Variants in TMEM163 observed in about 807,000 individuals in gnomAD.
TMEM163 encodes the protein transmembrane protein 163.
TMEM163 carries 17 observed loss-of-function variants against 29.3 expected under a neutral mutation model. The observed-to-expected ratio is 0.58, with a 90% CI of 0.40 to 0.87. TMEM163 has a LOEUF of 0.87. Ranked by LOEUF, TMEM163 falls within the 40% of genes least tolerant of loss-of-function variation. The pLI is 0.00. For synonymous variants in TMEM163, 157 were observed against 160.6 expected, an observed-to-expected ratio of 0.98 and a Z score of 0.17; for missense variants, 303 against 381.5, an observed-to-expected ratio of 0.79 and a Z score of 1.71.
Position 134,476,772 on chromosome 2 carries a change from A to T in TMEM163, c.556-10547T>A, listed in dbSNP as rs111996555. Among the ~76,000 whole-genome samples the T allele has an allele frequency of 2.2e-4, 34 of 152,264 alleles. 3 individuals carry two copies. The highest frequency in any genetic ancestry group is 8.2e-4 in the African/African-American group (34 of 41,546). On this transcript the variant is annotated intron_variant, in intron 5 of 7. Transcript: ENST00000281924. The stretch of plus-strand genomic sequence containing the variant: ...TGGGTAAACACTCCTTTTTCTAGAC[A>T]TCTCAAGTGTTTTATCCTCTATTAA...
chr2:134,641,008 A>C (rs1328751165), intron 2 of TMEM163, among the ~76,000 whole-genome samples: 1 of 152,228 alleles, frequency 6.6e-6, no homozygotes, highest in Non-Finnish European at 1.5e-5. Flanking sequence ...AAACAGCAAA[A>C]AGAAAGTTTC....
intron 2 of TMEM163, among the ~76,000 whole-genome samples, chr2:134,578,476 G>A (rs189877819): frequency 3.9e-4 from 59 of 152,318 alleles, no homozygotes; most frequent in African/African-American, 7.9e-4. Flanking sequence ...TGTCATGCCC[G>A]TGAACAGAGA....
chr2:134,588,973 G>A (rs138453037), intron 2 of TMEM163, among the ~76,000 whole-genome samples: 1 of 152,154 alleles, frequency 6.6e-6, no homozygotes, highest in African/African-American at 2.4e-5. Flanking sequence ...TTTCACATTA[G>A]AGGGAATAGG....
chr2:134,516,443 C>A (rs1172623407), intron 4 of TMEM163, among the ~76,000 whole-genome samples: 1 of 151,668 alleles, frequency 6.6e-6, no homozygotes. Flanking sequence ...TGCCTGTAAT[C>A]CTAGCTACTC....
At position 134,456,619 on chromosome 2, in the gene TMEM163, C is replaced by A; in HGVS notation, c.*97G>T. 2 of 1,444,990 alleles carry A rather than the reference C, an allele frequency of 1.4e-6. No homozygotes were observed. Among genetic ancestry groups the A allele is most frequent in the Non-Finnish European group, 1.9e-6 (2 of 1,046,120 alleles). The allele number at this position is 1,444,990 out of a possible 1,614,324, so 89.5% of individuals were successfully genotyped here. ...TAATGACAAACCATGTGAAAGAAAA[C>A]TTCCAAAAAGAAACCAGATGTTCAG... On this transcript the variant is annotated 3_prime_UTR_variant, in exon 8 of 8. Coordinates refer to ENST00000281924, the MANE Select transcript of TMEM163 (RefSeq NM_030923.5).
chr2:134,489,313 T>C (rs1679377972), intron 5 of TMEM163, among the ~76,000 whole-genome samples: 1 of 151,686 alleles, frequency 6.6e-6, no homozygotes, highest in Admixed American at 6.6e-5. Context: ...ATGATGATGG[T>C]TCACACCTGT....
chr2:134,465,194 A>AC (rs1686638183), intron 6 of TMEM163, among the ~76,000 whole-genome samples: 2 of 138,568 alleles, frequency 1.4e-5, no homozygotes, highest in South Asian at 2.2e-4. Context: ...ATCTTTAAAA[A>AC]AAAAAAAAAC....
At chr2:134,600,183 TCA>T (rs1682195068) in intron 2 of TMEM163, among the ~76,000 whole-genome samples, 1 of 152,210 alleles carries the variant, frequency 6.6e-6, no homozygotes, top group Non-Finnish European at 1.5e-5. Context: ...TGACACTGGC[TCA>T]GTGACATGAG....
chr2:134,714,085 C>T (rs945397495), intron 1 of TMEM163, among the ~76,000 whole-genome samples: 3 of 152,132 alleles, frequency 2.0e-5, no homozygotes, highest in Non-Finnish European at 4.4e-5. Flanking sequence ...ATGGAGAGTC[C>T]TTGACAACAA....
At chr2:134,486,416 T>C (rs1215102536) in intron 5 of TMEM163, among the ~76,000 whole-genome samples, 1 of 152,048 alleles carries the variant, frequency 6.6e-6, no homozygotes, top group East Asian at 1.9e-4. Flanking sequence ...GACGAGGACA[T>C]ACAAACTTTG....
intron 1 of TMEM163, among the ~76,000 whole-genome samples, chr2:134,715,864 A>G (rs1219935167): frequency 6.6e-6 from 1 of 152,204 alleles, no homozygotes; most frequent in African/African-American, 2.4e-5. Flanking sequence ...GCTGGCCCCC[A>G]TATTTGAATT....
At chr2:134,705,204 C>G (rs1684783827) in intron 2 of TMEM163, among the ~76,000 whole-genome samples, 2 of 146,960 alleles carry the variant, frequency 1.4e-5, no homozygotes, top group Non-Finnish European at 3.0e-5. Flanking sequence ...AGCAAGACTC[C>G]ATCTCAAAAA....
Position 134,546,245 on chromosome 2 carries a change from T to C in TMEM163, c.458+4325A>G, listed in dbSNP as rs139062752. ...AATTGGAAGCAGGGTCTCAAAGAGA[T>C]ATTTGCACACTCATGTTCATAGCAG... is the stretch of plus-strand genomic sequence containing the variant. On this transcript the variant is annotated intron_variant, in intron 4 of 7. Transcript: ENST00000281924. 2.3e-3 allele frequency among the ~76,000 whole-genome samples: 346 copies of C among 152,354 alleles called. 2 individuals carry two copies. The highest frequency in any genetic ancestry group is 5.2e-3 in the South Asian group (25 of 4,828).
chr2:134,463,095 C>A (rs1686587228), intron 6 of TMEM163, among the ~76,000 whole-genome samples: 1 of 152,224 alleles, frequency 6.6e-6, no homozygotes, highest in Admixed American at 6.5e-5. Context: ...GGGCTCCTGC[C>A]CTTCCCTCCT....
At chr2:134,715,592 AC>A (rs1265893942) in intron 1 of TMEM163, among the ~76,000 whole-genome samples, 1 of 152,106 alleles carries the variant, frequency 6.6e-6, no homozygotes, top group Non-Finnish European at 1.5e-5. Flanking sequence ...AGAATGGAAA[AC>A]TTTGCACTCC....
At chr2:134,600,172 G>A (rs930729546) in intron 2 of TMEM163, among the ~76,000 whole-genome samples, 2 of 152,184 alleles carry the variant, frequency 1.3e-5, no homozygotes, top group African/African-American at 4.8e-5. Flanking sequence ...ACATACAACT[G>A]TGACACTGGC....
intron 2 of TMEM163, among the ~76,000 whole-genome samples, chr2:134,664,056 C>T (rs918632820): frequency 6.6e-6 from 1 of 152,246 alleles, no homozygotes; most frequent in South Asian, 2.1e-4. Flanking sequence ...ATCTGTGTCA[C>T]AGCATTTCAT....
chr2:134,603,649 A>G (rs1574273266), intron 2 of TMEM163, among the ~76,000 whole-genome samples: 1 of 152,126 alleles, frequency 6.6e-6, no homozygotes. Context: ...ATGCACACAC[A>G]TATCACACAA....
intron 5 of TMEM163, among the ~76,000 whole-genome samples, chr2:134,502,065 A>G (rs1679707175): frequency 1.3e-5 from 2 of 152,192 alleles, no homozygotes; most frequent in African/African-American, 4.8e-5. Flanking sequence ...AAACACACAT[A>G]CATGCAATAC....
Sources: gnomAD v4.1 joint callset for allele counts (sites outside exome capture counted in the v4.1 genomes callset) on GRCh38, gnomAD v4.1.1 for gene constraint, MANE v1.5 for transcripts, NCBI Gene and HGNC (gene_info 2026-07-23, HGNC 2026-07-21) for gene names.